HNRNPD: variants seen among roughly 807,000 people sequenced by gnomAD.
HNRNPD encodes the protein heterogeneous nuclear ribonucleoprotein D0.
A neutral mutation model predicts 47.9 loss-of-function variants in HNRNPD; 3 were observed. The ratio of observed to expected loss-of-function variants is 0.06; its 90% confidence interval spans 0.03 to 0.16. The LOEUF (loss-of-function observed/expected upper bound fraction) is 0.16. HNRNPD is among the 10% of genes least tolerant of loss of function. The pLI is 1.00. For synonymous variants in HNRNPD, 171 were observed against 165.1 expected (o/e 1.04, Z -0.28); for missense variants, 287 against 454.2 (o/e 0.63, Z 3.35).
intron 2 of HNRNPD, among the ~76,000 whole-genome samples, chr4:82,360,322 G>A (rs1723908185): frequency 6.6e-6 from 1 of 152,072 alleles, no homozygotes; most frequent in African/African-American, 2.4e-5. Flanking sequence ...TGCAGAAAGT[G>A]ATGGGTGGTA....
At chr4:82,367,902 A>T (rs1719843554) in intron 2 of HNRNPD, among the ~76,000 whole-genome samples, 1 of 152,220 alleles carries the variant, frequency 6.6e-6, no homozygotes, top group Non-Finnish European at 1.5e-5. Context: ...TGTGGTGAGC[A>T]TTGTTTCCAA....
rs1578061907 is a variant in HNRNPD at position 82,373,652 on chromosome 4, G to A, written c.27C>T (p.Asp9=). 3.9e-6 allele frequency: 6 copies of A among 1,525,054 alleles called. No homozygotes were observed. The African/African-American group carries it at 7.0e-5, about 18-fold the overall frequency. 94.5% of individuals were successfully genotyped at this position (1,525,054 alleles called of 1,614,324 possible). The change falls in exon 1 of 9, where the codon GAC becomes GAT. Residue 9 remains aspartate (D), a synonymous_variant. Coordinates refer to ENST00000313899, the MANE Select transcript of HNRNPD (RefSeq NM_031370.3). The stretch of plus-strand genomic sequence containing the variant: ...CCGCCGTTGCCGCTGCCGCCGCCCC[G>A]TCCCCGCCGAACTGCTCCTCCGACA... MSEEQFGG[D]GAAAAATAAV...
intron 2 of HNRNPD, among the ~76,000 whole-genome samples, chr4:82,366,093 T>C (rs1282527691): frequency 6.6e-6 from 1 of 152,196 alleles, no homozygotes; most frequent in Non-Finnish European, 1.5e-5. Context: ...TGAAAAAGAA[T>C]TCCATTTATT....
intron 2 of HNRNPD, among the ~76,000 whole-genome samples, chr4:82,366,624 T>G (rs1456101153): frequency 6.6e-6 from 1 of 152,204 alleles, no homozygotes; most frequent in African/African-American, 2.4e-5. Context: ...TGGAATGCAG[T>G]GGTGCAACCT....
chr4:82,357,515 A>T, intron 4 of HNRNPD, 71 bp from the exon 5 acceptor site: 2 of 1,334,180 alleles, frequency 1.5e-6, no homozygotes, highest in Non-Finnish European at 2.0e-6. Flanking sequence ...ACAAGTTTAG[A>T]GGGGGGAAAA....
At chr4:82,361,677 C>A (rs1361671778) in intron 2 of HNRNPD, among the ~76,000 whole-genome samples, 1 of 152,082 alleles carries the variant, frequency 6.6e-6, no homozygotes, top group African/African-American at 2.4e-5. Context: ...TATTAAGAAA[C>A]AGAAAACAAT....
At position 82,373,897 on chromosome 4, in the gene HNRNPD, C is replaced by A. The variant is rs975060196; in HGVS notation, c.-219G>T. On this transcript the variant is annotated 5_prime_UTR_variant, in exon 1 of 9. Coordinates refer to ENST00000313899, the MANE Select transcript of HNRNPD (RefSeq NM_031370.3). The stretch of plus-strand genomic sequence containing the variant: ...CGCGCGGCGCACACTCCCGCTCTCT[C>A]CCGCTGCACTAAAAAAGAATAAGCA... 9.2e-7 allele frequency: 1 copy of A among 1,083,566 alleles called. No individual in the cohort carries two copies. Among genetic ancestry groups the A allele is most frequent in the South Asian group, 1.8e-5 (1 of 56,324 alleles). 67.1% of individuals were successfully genotyped at this position (1,083,566 alleles called of 1,614,324 possible).
intron 2 of HNRNPD, among the ~76,000 whole-genome samples, chr4:82,370,134 C>T (rs1246806319): frequency 6.6e-6 from 1 of 152,164 alleles, no homozygotes; most frequent in Non-Finnish European, 1.5e-5. Flanking sequence ...AAAAGCTAAA[C>T]TCCGTCTCAA....
In HNRNPD at chr4:82,373,688, G is replaced by C. The variant is rs541520903; in HGVS notation, c.-10C>G. 1 of 1,508,808 alleles carries C rather than the reference G, an allele frequency of 6.6e-7. No homozygotes were observed. The highest frequency in any genetic ancestry group is 1.2e-5 in the South Asian group (1 of 83,072). 93.5% of individuals were successfully genotyped at this position (1,508,808 alleles called of 1,614,324 possible). On this transcript the variant is annotated 5_prime_UTR_variant, in exon 1 of 9. Transcript: ENST00000313899. ...ACTGCTCCTCCGACATAGTGCTAGT[G>C]TCTCCGCCGCTGCCGCCGAGACTAC...
intron 2 of HNRNPD, among the ~76,000 whole-genome samples, chr4:82,369,810 T>G (rs916492988): frequency 6.6e-6 from 1 of 152,214 alleles, no homozygotes; most frequent in Non-Finnish European, 1.5e-5. Context: ...ATTAGAGCCC[T>G]TAAAAATGAG....
intron 8 of HNRNPD, 44 bp from the exon 9 acceptor site, chr4:82,354,198 A>G (rs1382151645): frequency 1.3e-5 from 2 of 152,332 alleles, no homozygotes; most frequent in Non-Finnish European, 1.5e-5. Flanking sequence ...TGGGCAGGCT[A>G]CAACACTTAA....
At chr4:82,358,405 AG>A in intron 4 of HNRNPD, 1 of 354,744 alleles carries the variant, frequency 2.8e-6, no homozygotes. Context: ...TCTGTATTTA[AG>A]AATGTTTGTC....
At chr4:82,364,031 C>T (rs549056726) in intron 2 of HNRNPD, among the ~76,000 whole-genome samples, 5 of 152,290 alleles carry the variant, frequency 3.3e-5, no homozygotes, top group African/African-American at 1.2e-4. Flanking sequence ...GGCTGGAGTG[C>T]ACTGGCTCCA....
intron 8 of HNRNPD, 183 bp downstream of exon 8, chr4:82,355,121 T>C (rs1578044828): frequency 3.4e-6 from 2 of 582,690 alleles, no homozygotes; most frequent in Admixed American, 3.2e-5. Flanking sequence ...TTGTTAATAA[T>C]AGGACAAAAA....
At chr4:82,370,047 CAGG>C (rs1241209871) in intron 2 of HNRNPD, among the ~76,000 whole-genome samples, 2 of 152,122 alleles carry the variant, frequency 1.3e-5, no homozygotes, top group African/African-American at 4.8e-5. Flanking sequence ...GAGGCTGAGG[CAGG>C]AGAATTGCTT....
chr4:82,364,349 T>A (rs1015043719), intron 2 of HNRNPD, among the ~76,000 whole-genome samples: 5 of 152,124 alleles, frequency 3.3e-5, no homozygotes, highest in African/African-American at 1.2e-4. Context: ...AGAGCATACC[T>A]CAGATATTTG....
chr4:82,354,513 A>C (rs1417743269), intron 8 of HNRNPD: 1 of 152,690 alleles, frequency 6.5e-6, no homozygotes, highest in African/African-American at 2.4e-5. Flanking sequence ...CTTGTCCATC[A>C]CAAGTTATAG....
Position 82,352,808 on chromosome 4 carries a change from T to TA in HNRNPD, c.*1376dup, listed in dbSNP as rs1723552194. The stretch of plus-strand genomic sequence containing the variant: ...TGGATCTATCATAAAAAAACTTTAA[T>TA]AACACTAACTTTTGCTCATTAAAAT... On this transcript the variant is annotated 3_prime_UTR_variant, in exon 9 of 9. Transcript: ENST00000313899. 1 of 152,116 alleles carries TA rather than the reference T, an allele frequency of 6.6e-6. No individual in the cohort carries two copies. Among genetic ancestry groups the TA allele is most frequent in the East Asian group, 1.9e-4 (1 of 5,196 alleles). 9.4% of individuals were successfully genotyped at this position (152,116 alleles called of 1,614,324 possible).
intron 2 of HNRNPD, 48 bp downstream of exon 2, chr4:82,371,480 T>C (rs764683674): frequency 4.2e-6 from 6 of 1,441,348 alleles, no homozygotes; most frequent in South Asian, 1.2e-5. Flanking sequence ...CTACATATTA[T>C]GACTACTGAA....
Sources: gnomAD v4.1 joint callset for allele counts (sites outside exome capture counted in the v4.1 genomes callset) on GRCh38, gnomAD v4.1.1 for gene constraint, MANE v1.5 for transcripts, NCBI Gene and HGNC (gene_info 2026-07-23, HGNC 2026-07-21) for gene names.